NSUN6: variants seen among roughly 807,000 people sequenced by gnomAD.
The protein encoded by NSUN6 is tRNA (cytosine(72)-C(5))-methyltransferase NSUN6.
In NSUN6, 64 loss-of-function variants were observed where a neutral mutation model predicts 58.0. That is an observed-to-expected ratio of 1.10 (90% CI 0.90 to 1.36). NSUN6 has a LOEUF of 1.36. Among genes scored for constraint, NSUN6 ranks in the 40% most tolerant of loss-of-function variants. The probability of loss-of-function intolerance (pLI) is 0.00; values close to 1 mark genes in which losing one functional copy is unlikely to be tolerated. For missense variants in NSUN6, 701 were observed against 550.1 expected, an observed-to-expected ratio of 1.27 and a Z score of -2.74; for synonymous variants, 231 against 193.9, an observed-to-expected ratio of 1.19 and a Z score of -1.59.
chr10:18,576,769 G>A (rs904067140), intron 8 of NSUN6, among the ~76,000 whole-genome samples: 39 of 152,132 alleles, frequency 2.6e-4, no homozygotes, highest in Non-Finnish European at 1.9e-4. Context: ...GTTCGTCCCC[G>A]AGCAGATTGT....
At chr10:18,574,476 T>C (rs2056552726) in intron 8 of NSUN6, among the ~76,000 whole-genome samples, 1 of 152,028 alleles carries the variant, frequency 6.6e-6, no homozygotes, top group Non-Finnish European at 1.5e-5. Context: ...CATACAAAGG[T>C]TTGACCAGAC....
intron 7 of NSUN6, among the ~76,000 whole-genome samples, chr10:18,586,556 G>A (rs548152413): frequency 4.7e-4 from 71 of 152,106 alleles, no homozygotes; most frequent in Admixed American, 1.1e-3. Context: ...GCAGACCTTC[G>A]CAGTGAGTGT....
At chr10:18,568,897 C>G (rs1054362012) in intron 8 of NSUN6, among the ~76,000 whole-genome samples, 5 of 150,966 alleles carry the variant, frequency 3.3e-5, no homozygotes, top group African/African-American at 1.2e-4. Flanking sequence ...CCATTCCAAT[C>G]CATTCTACTC....
At chr10:18,617,698 T>C (rs1476767611) in intron 3 of NSUN6, among the ~76,000 whole-genome samples, 3 of 152,132 alleles carry the variant, frequency 2.0e-5, no homozygotes, top group African/African-American at 7.2e-5. Context: ...TGCCTCAGTG[T>C]TACGGTCTGG....
At chr10:18,601,706 G>C (rs918136375) in intron 6 of NSUN6, among the ~76,000 whole-genome samples, 1 of 152,124 alleles carries the variant, frequency 6.6e-6, no homozygotes, top group African/African-American at 2.4e-5. Context: ...AATAAGGCTG[G>C]GTCTGGTGGC....
At chr10:18,659,276 C>T (rs1005876971), upstream of NSUN6, 1 of 263,598 alleles carries the variant, frequency 3.8e-6, no homozygotes, top group East Asian at 7.6e-5. Flanking sequence ...GCGTGGGTTG[C>T]CGTAAGTGCG....
At chr10:18,573,098 A>G (rs967231609) in intron 8 of NSUN6, among the ~76,000 whole-genome samples, 8 of 136,734 alleles carry the variant, frequency 5.9e-5, no homozygotes, top group African/African-American at 8.5e-5. Context: ...ATTCCATTCC[A>G]TCCTCCGTTA....
At chr10:18,618,125 G>A (rs978034372) in intron 3 of NSUN6, among the ~76,000 whole-genome samples, 2 of 152,104 alleles carry the variant, frequency 1.3e-5, no homozygotes, top group Non-Finnish European at 2.9e-5. Flanking sequence ...AGGTTTTGTG[G>A]GCGTATCTCC....
chr10:18,569,212 C>A (rs1365269854), intron 8 of NSUN6, among the ~76,000 whole-genome samples: 1 of 150,908 alleles, frequency 6.6e-6, no homozygotes. Flanking sequence ...ATTCTGCATT[C>A]CATTCTCCAT....
At chr10:18,606,376 C>T (rs1400938879) in intron 6 of NSUN6, among the ~76,000 whole-genome samples, 1 of 53,352 alleles carries the variant, frequency 1.9e-5, no homozygotes, top group Non-Finnish European at 3.8e-5. Context: ...CAAGGTCTTA[C>T]AAACAAGGCA....
At chr10:18,570,207 T>C (rs1195444267) in intron 8 of NSUN6, among the ~76,000 whole-genome samples, 3 of 149,914 alleles carry the variant, frequency 2.0e-5, no homozygotes, top group Admixed American at 1.3e-4. Flanking sequence ...TCTCCATTCA[T>C]GTCCATCCCA....
intron 8 of NSUN6, among the ~76,000 whole-genome samples, chr10:18,557,635 G>A (rs1198838855): frequency 6.9e-6 from 1 of 144,022 alleles, no homozygotes; most frequent in African/African-American, 2.6e-5. Flanking sequence ...ATAGAGTGGA[G>A]AATGGAAAAG....
At chr10:18,557,646 A>G (rs761733870) in intron 8 of NSUN6, among the ~76,000 whole-genome samples, 3 of 150,340 alleles carry the variant, frequency 2.0e-5, no homozygotes, top group South Asian at 2.1e-4. Flanking sequence ...AATGGAAAAG[A>G]GCAGAATGGA....
chr10:18,609,976 AC>A, intron 5 of NSUN6, 50 bp from the exon 6 acceptor site: 1 of 1,079,468 alleles, frequency 9.3e-7, no homozygotes, highest in Non-Finnish European at 1.4e-6. Flanking sequence ...CATGGTCTAT[AC>A]AAACTATGTT....
At chr10:18,554,326 T>C (rs2054824322) in intron 8 of NSUN6, among the ~76,000 whole-genome samples, 1 of 145,986 alleles carries the variant, frequency 6.8e-6, no homozygotes, top group Non-Finnish European at 1.5e-5. Flanking sequence ...TGGAATGCAA[T>C]GTGGAATGGA....
intron 3 of NSUN6, among the ~76,000 whole-genome samples, chr10:18,625,513 G>A (rs906138157): frequency 6.6e-6 from 1 of 151,916 alleles, no homozygotes; most frequent in African/African-American, 2.4e-5. Context: ...AGAGTTTGAA[G>A]ACCAGCCTGA....
chr10:18,582,682 A>T (rs1400303896), intron 8 of NSUN6, among the ~76,000 whole-genome samples: 2 of 152,198 alleles, frequency 1.3e-5, no homozygotes. Flanking sequence ...GGAGGGTAAC[A>T]GTGCTCTGTA....
chr10:18,612,020 T>A (rs980854779), intron 5 of NSUN6, among the ~76,000 whole-genome samples: 2 of 152,172 alleles, frequency 1.3e-5, no homozygotes, highest in Non-Finnish European at 2.9e-5. Flanking sequence ...GCTGCTCCAG[T>A]CAGGACCAAA....
At chr10:18,565,128 A>G (rs552652001) in intron 8 of NSUN6, among the ~76,000 whole-genome samples, 1 of 150,354 alleles carries the variant, frequency 6.7e-6, no homozygotes, top group South Asian at 2.1e-4. Context: ...TCTCCATTCT[A>G]TTCCATTCTC....
Sources: gnomAD v4.1 joint callset for allele counts (sites outside exome capture counted in the v4.1 genomes callset) on GRCh38, gnomAD v4.1.1 for gene constraint, MANE v1.5 for transcripts, NCBI Gene and HGNC (gene_info 2026-07-23, HGNC 2026-07-21) for gene names.